Variants in LTBP2 observed in about 807,000 individuals in gnomAD.
LTBP2 encodes the protein latent-transforming growth factor beta-binding protein 2.
Under a neutral mutation model 210.6 loss-of-function variants are expected in LTBP2, and 103 were observed. That is an observed-to-expected ratio of 0.49 (90% CI 0.42 to 0.58). The LOEUF (loss-of-function observed/expected upper bound fraction) is 0.58, where lower values mean the gene tolerates loss of function less well. Ranked by LOEUF, LTBP2 falls within the 20% of genes least tolerant of loss-of-function variation. LTBP2 has a pLI of 0.00. For synonymous variants in LTBP2, 1,007 were observed against 1,015.0 expected (o/e 0.99, Z 0.15); for missense variants, 2,313 against 2,494.5 (o/e 0.93, Z 1.55).
intron 1 of LTBP2, among the ~76,000 whole-genome samples, chr14:74,608,167 G>C (rs554808646): frequency 6.6e-6 from 1 of 151,584 alleles, no homozygotes; most frequent in African/African-American, 2.4e-5. Context: ...TGATCCACCC[G>C]CCTCAGCCTC....
intron 7 of LTBP2, 137 bp from the exon 8 acceptor site, chr14:74,550,102 G>A (rs954420570): frequency 1.5e-5 from 10 of 686,922 alleles, no homozygotes; most frequent in Admixed American, 1.4e-4. Context: ...CAAAGAAGGG[G>A]AGAAGGGAGT....
chr14:74,544,891 G>A (rs1190466046), intron 8 of LTBP2, among the ~76,000 whole-genome samples: 1 of 152,056 alleles, frequency 6.6e-6, no homozygotes, highest in African/African-American at 2.4e-5. Context: ...TCGAGCTCTG[G>A]TTACCAGAAA....
At chr14:74,563,506 A>G (rs886463969) in intron 3 of LTBP2, among the ~76,000 whole-genome samples, 2 of 152,202 alleles carry the variant, frequency 1.3e-5, no homozygotes, top group Non-Finnish European at 2.9e-5. Flanking sequence ...CTTTACATCA[A>G]TAAGTTAAGC....
intron 8 of LTBP2, among the ~76,000 whole-genome samples, chr14:74,540,690 A>C (rs1469014615): frequency 7.0e-6 from 1 of 143,624 alleles, no homozygotes; most frequent in Non-Finnish European, 1.5e-5. Flanking sequence ...GCGTGAACCC[A>C]GGAGGCGGAG....
At chr14:74,550,123 C>A (rs1329081430) in intron 7 of LTBP2, among the ~76,000 whole-genome samples, 158 bp from the exon 8 acceptor site, 1 of 152,200 alleles carries the variant, frequency 6.6e-6, no homozygotes, top group African/African-American at 2.4e-5. Context: ...CAGCCCATAT[C>A]CCAGAAGGAA....
chr14:74,573,630 G>T (rs958428279), intron 3 of LTBP2, among the ~76,000 whole-genome samples: 12 of 152,184 alleles, frequency 7.9e-5, no homozygotes, highest in Non-Finnish European at 1.5e-5. Context: ...GACCTGGAGG[G>T]TAAGAGCTTG....
intron 10 of LTBP2, among the ~76,000 whole-genome samples, chr14:74,531,486 G>C (rs1324617578): frequency 6.6e-6 from 1 of 152,200 alleles, no homozygotes; most frequent in Non-Finnish European, 1.5e-5. Flanking sequence ...AGAGCGGTCT[G>C]ACATGTTCTC....
At chr14:74,589,091 C>G (rs1245220567) in intron 2 of LTBP2, among the ~76,000 whole-genome samples, 1 of 152,114 alleles carries the variant, frequency 6.6e-6, no homozygotes, top group East Asian at 1.9e-4. Flanking sequence ...CAGTGGAGAC[C>G]CCAGGACCAC....
chr14:74,567,837 C>A (rs1309314989), intron 3 of LTBP2, among the ~76,000 whole-genome samples: 2 of 152,196 alleles, frequency 1.3e-5, no homozygotes, highest in East Asian at 1.9e-4. Flanking sequence ...CCAGCCCTAG[C>A]TGGGCCCCAT....
intron 33 of LTBP2, 118 bp from the exon 34 acceptor site, chr14:74,503,052 TCCTCTCCCCA>T (rs2086932263): frequency 6.7e-7 from 1 of 1,492,296 alleles, no homozygotes; most frequent in Non-Finnish European, 9.2e-7. Context: ...CTGGCAACAT[TCCTCTCCCCA>T]CCTCTCCCCT....
At chr14:74,608,530 G>A (rs1039139252) in intron 1 of LTBP2, among the ~76,000 whole-genome samples, 7 of 151,538 alleles carry the variant, frequency 4.6e-5, no homozygotes, top group African/African-American at 7.3e-5. Context: ...CCAACATGGC[G>A]AAACCCCATC....
chr14:74,572,326 A>T (rs145790808), intron 3 of LTBP2, among the ~76,000 whole-genome samples: 3,282 of 88,474 alleles, frequency 0.037, 126 homozygotes, highest in African/African-American at 0.092. Context: ...TGTGTGTGAG[A>T]GAGAGAGAGA....
In LTBP2 at chr14:74,522,904, C is replaced by T. The variant is rs368247548; in HGVS notation, c.2545G>A (p.Ala849Thr). The change falls in exon 16 of 36, where the codon GCT (alanine) becomes ACT (threonine). Residue 849 changes from alanine (A) to threonine (T), a missense_variant. Around this residue, in one of 3 missense-constraint regions of LTBP2, gnomAD observed 1,867 missense variants for 1,976.9 expected, o/e 0.94. Coordinates refer to ENST00000261978, the MANE Select transcript of LTBP2 (RefSeq NM_000428.3). Reference protein sequence around the residue: ...TLSTPGIDRCAAGATNVCGPG... With the variant: ...TLSTPGIDRCTAGATNVCGPG... The stretch of plus-strand genomic sequence containing the variant: ...CCACAGACGTTGGTGGCTCCAGCAG[C>T]GCATCTGTCAATGCCTGTGGGAGAC... 1.5e-5 allele frequency: 24 copies of T among 1,611,922 alleles called. No individual in the cohort carries two copies. Among genetic ancestry groups the T allele is most frequent in the Middle Eastern group, 3.3e-4 (2 of 6,076 alleles).
At chr14:74,610,091 C>T (rs931075678) in intron 1 of LTBP2, among the ~76,000 whole-genome samples, 1 of 152,232 alleles carries the variant, frequency 6.6e-6, no homozygotes, top group Non-Finnish European at 1.5e-5. Flanking sequence ...AGAATACCAA[C>T]CAGTGCAGGC....
intron 31 of LTBP2, 83 bp downstream of exon 31, chr14:74,503,843 A>C: frequency 6.3e-7 from 1 of 1,582,944 alleles, no homozygotes; most frequent in East Asian, 2.3e-5. Context: ...TCTCAGCAAT[A>C]ATGGGACTGG....
At chr14:74,548,350 T>C (rs1260533430) in intron 8 of LTBP2, among the ~76,000 whole-genome samples, 1 of 152,042 alleles carries the variant, frequency 6.6e-6, no homozygotes, top group Non-Finnish European at 1.5e-5. Context: ...TGCTCAAACC[T>C]CTTCATTCCT....
Position 74,612,000 on chromosome 14 carries a change from G to C in LTBP2, c.-56C>G, listed in dbSNP as rs1374631240. 6.8e-6 allele frequency: 10 copies of C among 1,460,540 alleles called. No homozygotes were observed. Among genetic ancestry groups the C allele is most frequent in the Admixed American group, 4.9e-5 (2 of 40,760 alleles). The allele number at this position is 1,460,540 out of a possible 1,614,324, so 90.5% of individuals were successfully genotyped here. A position where few individuals can be genotyped will look rare whatever the true frequency, so the allele number is the denominator to read the frequency against. On this transcript the variant is annotated 5_prime_UTR_variant, in exon 1 of 36. Coordinates refer to ENST00000261978, the MANE Select transcript of LTBP2 (RefSeq NM_000428.3). The stretch of plus-strand genomic sequence containing the variant: ...GGGCACCGCGAAGAGCTTTGTGGTC[G>C]GCACGCTGGACGCCCGCGGGCTGTT...
At chr14:74,512,011 AG>A (rs1286406474) in intron 18 of LTBP2, among the ~76,000 whole-genome samples, 2 of 152,234 alleles carry the variant, frequency 1.3e-5, no homozygotes, top group Non-Finnish European at 2.9e-5. Context: ...GTCAGCCAGA[AG>A]GGTTAAGCCT....
chr14:74,533,938 G>C (rs1157068202), intron 9 of LTBP2, among the ~76,000 whole-genome samples: 2 of 152,052 alleles, frequency 1.3e-5, no homozygotes, highest in Non-Finnish European at 2.9e-5. Flanking sequence ...TCCAGGCCAG[G>C]CGGTAACACA....
Sources: allele counts gnomAD v4.1 joint callset (sites outside exome capture counted in the v4.1 genomes callset), GRCh38; gene constraint gnomAD v4.1.1; regional missense constraint gnomAD v4.1.1; transcripts MANE v1.5; gene names NCBI Gene and HGNC (gene_info 2026-07-23, HGNC 2026-07-21).